Variants in TEX9 observed in about 807,000 individuals in gnomAD.
TEX9 encodes the protein testis-expressed protein 9.
In TEX9, 74 loss-of-function variants were observed where a neutral mutation model predicts 59.6. The ratio of observed to expected loss-of-function variants is 1.24; its 90% CI spans 1.03 to 1.51. The LOEUF (loss-of-function observed/expected upper bound fraction) is 1.51, where lower values mean the gene tolerates loss of function less well. TEX9 is among the 40% of genes most tolerant of loss of function. The probability of loss-of-function intolerance (pLI) is 0.00; values close to 1 mark genes in which losing one functional copy is unlikely to be tolerated. For missense variants in TEX9, 522 were observed against 447.8 expected, an observed-to-expected ratio of 1.17 and a Z score of -1.49; for synonymous variants, 186 against 152.2, an observed-to-expected ratio of 1.22 and a Z score of -1.64.
intron 1 of TEX9, among the ~76,000 whole-genome samples, chr15:56,346,691 T>G (rs1268481103): frequency 6.6e-5 from 10 of 152,062 alleles, no homozygotes; most frequent in Admixed American, 5.9e-4. Flanking sequence ...CCCCACCCAT[T>G]CTATACACTC....
rs74018631 is a variant in TEX9 at position 56,309,538 on chromosome 15, T to A, written c.-106-63903T>A. 3.3e-5 allele frequency among the ~76,000 whole-genome samples: 5 copies of A among 152,058 alleles called. No homozygotes were observed. The East Asian group carries it at 9.6e-4, about 29-fold the overall frequency. The stretch of plus-strand genomic sequence containing the variant: ...AGATTTTTTTCTCTTGTGAAATCTT[T>A]GTCTGGTTTTGGTATGGTGGTAATG... On this transcript the variant is annotated intron_variant, in intron 1 of 5. Transcript: ENST00000560827.
chr15:56,392,793 G>T (rs1270575895), intron 7 of TEX9, among the ~76,000 whole-genome samples: 1 of 152,114 alleles, frequency 6.6e-6, no homozygotes, highest in Admixed American at 6.6e-5. Context: ...TGCTTTAGAG[G>T]ATGTGATGCA....
At chr15:56,423,360 A>G (rs552121490) in intron 10 of TEX9, among the ~76,000 whole-genome samples, 29 of 152,196 alleles carry the variant, frequency 1.9e-4, no homozygotes, top group African/African-American at 5.8e-4. Context: ...GTTTTGTTCA[A>G]TCCCCACATA....
At chr15:56,258,185 A>C (rs1275971677) in intron 1 of TEX9, among the ~76,000 whole-genome samples, 2 of 152,012 alleles carry the variant, frequency 1.3e-5, no homozygotes, top group African/African-American at 4.8e-5. Flanking sequence ...TGTTTTAGTT[A>C]CTGTAGCCCT....
At chr15:56,386,678 TTTAAG>T (rs1306944363) in intron 4 of TEX9, among the ~76,000 whole-genome samples, 13 of 152,014 alleles carry the variant, frequency 8.6e-5, no homozygotes, top group African/African-American at 2.7e-4. Flanking sequence ...AAAATAGATA[TTTAAG>T]TTATCAAAAT....
intron 7 of TEX9, among the ~76,000 whole-genome samples, chr15:56,391,888 C>T (rs962302196): frequency 1.3e-5 from 2 of 151,908 alleles, no homozygotes; most frequent in Non-Finnish European, 2.9e-5. Flanking sequence ...TCAGGTAAAA[C>T]AATCAAATGA....
At chr15:56,303,022 A>G (rs1436087635) in intron 1 of TEX9, among the ~76,000 whole-genome samples, 2 of 152,224 alleles carry the variant, frequency 1.3e-5, no homozygotes, top group East Asian at 3.8e-4. Flanking sequence ...AATTGTTAAT[A>G]GATACACACC....
chr15:56,361,604 C>T (rs2046790369), upstream of TEX9, among the ~76,000 whole-genome samples: 1 of 152,020 alleles, frequency 6.6e-6, no homozygotes, highest in Non-Finnish European at 1.5e-5. Context: ...TGTGCCACCT[C>T]CCCCTCCCTA....
rs187380457 is a variant in TEX9, at chr15:56,308,974, A to T, written c.-106-64467A>T. On this transcript the variant is annotated intron_variant, in intron 1 of 5. Transcript: ENST00000560827. ...GCTTTGTAGTAAGTTTTGAAATCAG[A>T]AACTGTGAGTCCTTCAACTTTGTTC... Among the ~76,000 whole-genome samples the T allele has an allele frequency of 3.9e-5, 6 of 152,304 alleles. No individual in the cohort carries two copies. The East Asian group carries it at 1.2e-3, about 29-fold the overall frequency.
chr15:56,402,222 A>G (rs1424268407), intron 9 of TEX9, among the ~76,000 whole-genome samples: 2 of 152,154 alleles, frequency 1.3e-5, no homozygotes, highest in South Asian at 2.1e-4. Context: ...TCTATCAACA[A>G]AATTGTTAGA....
intron 9 of TEX9, chr15:56,396,131 G>A (rs1300525050): frequency 6.6e-6 from 1 of 152,076 alleles, no homozygotes; most frequent in Non-Finnish European, 1.5e-5. Flanking sequence ...ATGTAGTGAC[G>A]ATAAGAATTA....
intron 1 of TEX9, among the ~76,000 whole-genome samples, chr15:56,358,998 C>T (rs1481023895): frequency 2.6e-5 from 4 of 152,138 alleles, no homozygotes; most frequent in African/African-American, 9.7e-5. Context: ...AAACCTCTTT[C>T]CTTTATAAAT....
intron 10 of TEX9, chr15:56,421,613 C>G (rs1284230762): frequency 6.6e-6 from 1 of 151,696 alleles, no homozygotes; most frequent in African/African-American, 2.4e-5. Context: ...ATCTAGTTGA[C>G]TTTGCTTTTT....
chr15:56,370,661 G>C (rs1275368819), intron 2 of TEX9, among the ~76,000 whole-genome samples: 2 of 152,164 alleles, frequency 1.3e-5, no homozygotes, highest in African/African-American at 4.8e-5. Flanking sequence ...AATTATGCTG[G>C]TAGACTATTT....
chr15:56,257,001 A>G (rs182681537), intron 1 of TEX9, among the ~76,000 whole-genome samples: 1 of 152,050 alleles, frequency 6.6e-6, no homozygotes, highest in East Asian at 1.9e-4. Flanking sequence ...ATGTGTTCTC[A>G]TCATTTAGCT....
chr15:56,252,979 T>G (rs2718929), intron 1 of TEX9, among the ~76,000 whole-genome samples: 4,567 of 152,218 alleles, frequency 0.03, 174 homozygotes, highest in East Asian at 0.099. Context: ...TCCCTTCCTT[T>G]TTTTCTGGAA....
intron 1 of TEX9, among the ~76,000 whole-genome samples, chr15:56,289,930 T>C (rs2045048719): frequency 6.6e-6 from 1 of 152,212 alleles, no homozygotes; most frequent in Admixed American, 6.5e-5. Context: ...TACAAAGTCT[T>C]TGGCATCAGG....
At chr15:56,425,454 GA>G in intron 10 of TEX9, among the ~76,000 whole-genome samples, 1 of 152,224 alleles carries the variant, frequency 6.6e-6, no homozygotes, top group East Asian at 1.9e-4. Context: ...TGACCTGTCT[GA>G]AAGCTCACTC....
At chr15:56,450,882 T>G (rs942623001), downstream of TEX9, among the ~76,000 whole-genome samples, 2 of 152,208 alleles carry the variant, frequency 1.3e-5, no homozygotes, top group Non-Finnish European at 2.9e-5. Context: ...TTTCCCACTT[T>G]CTTGGCAATA....
Sources: gnomAD v4.1 joint callset for allele counts (sites outside exome capture counted in the v4.1 genomes callset) on GRCh38, gnomAD v4.1.1 for gene constraint, MANE v1.5 for transcripts, NCBI Gene and HGNC (gene_info 2026-07-23, HGNC 2026-07-21) for gene names.